Variants in DCP2 observed in about 807,000 individuals in gnomAD.
The protein encoded by DCP2 is decapping mRNA 2.
A neutral mutation model predicts 56.1 loss-of-function variants in DCP2; 30 were observed. That is an observed-to-expected ratio of 0.53 (90% CI 0.40 to 0.73). DCP2 has a LOEUF of 0.73. Ranked by LOEUF, DCP2 falls within the 30% of genes least tolerant of loss-of-function variation. The pLI is 0.00. For synonymous variants in DCP2, 197 were observed against 163.3 expected, an observed-to-expected ratio of 1.21 and a Z score of -1.57; for missense variants, 533 against 502.7, an observed-to-expected ratio of 1.06 and a Z score of -0.58.
At chr5:112,979,906 G>T (rs1350250259) in intron 1 of DCP2, among the ~76,000 whole-genome samples, 1 of 152,162 alleles carries the variant, frequency 6.6e-6, no homozygotes, top group Admixed American at 6.5e-5. Context: ...GTGTGTGTGG[G>T]TGGGGAAGGG....
At chr5:112,977,059 G>A (rs553688951) in intron 1 of DCP2, 73 bp downstream of exon 1, 3 of 1,237,506 alleles carry the variant, frequency 2.4e-6, no homozygotes, top group Middle Eastern at 2.0e-4. Flanking sequence ...AGGCCTCTGG[G>A]TCTTCTTCCC....
chr5:113,003,394 T>C (rs1749271346), intron 7 of DCP2, among the ~76,000 whole-genome samples: 1 of 152,154 alleles, frequency 6.6e-6, no homozygotes, highest in African/African-American at 2.4e-5. Flanking sequence ...AGCTAGGATG[T>C]GGTCTGTAAC....
chr5:112,997,707 C>T (rs532295877), intron 4 of DCP2, among the ~76,000 whole-genome samples: 53 of 151,938 alleles, frequency 3.5e-4, no homozygotes, highest in Middle Eastern at 3.4e-3. Context: ...CTCCGCCTCC[C>T]GGGTTCAAGT....
intron 4 of DCP2, among the ~76,000 whole-genome samples, chr5:112,998,684 A>C (rs1183325928): frequency 6.6e-6 from 1 of 152,242 alleles, no homozygotes; most frequent in Non-Finnish European, 1.5e-5. Context: ...AGAATAGATT[A>C]ATTCAAAGAA....
intron 4 of DCP2, among the ~76,000 whole-genome samples, chr5:112,996,920 T>A (rs1048590478): frequency 6.6e-6 from 1 of 152,234 alleles, no homozygotes. Flanking sequence ...TAAAATAAAA[T>A]GAGCATTCCA....
At position 113,020,155 on chromosome 5, in the gene DCP2, G is replaced by T. The variant is rs910438511; in HGVS notation, c.*6671G>T. 7 of 152,172 alleles carry T rather than the reference G, an allele frequency of 4.6e-5. No homozygotes were observed. Among genetic ancestry groups the T allele is most frequent in the African/African-American group, 1.4e-4 (6 of 41,432 alleles). 9.4% of individuals were successfully genotyped at this position (152,172 alleles called of 1,614,324 possible). A position where few individuals can be genotyped will look rare whatever the true frequency, so the allele number is the denominator to read the frequency against. On this transcript the variant is annotated 3_prime_UTR_variant, in exon 11 of 11. Coordinates refer to ENST00000389063, the MANE Select transcript of DCP2 (RefSeq NM_152624.6). Reference sequence around the variant, plus strand: ...CAAATTATTTTGAGACCTTTTGCTGGTAGACAAAAACTGAGGAAATGTTTC... The same window carrying T: ...CAAATTATTTTGAGACCTTTTGCTGTTAGACAAAAACTGAGGAAATGTTTC...
At position 113,016,773 on chromosome 5, in the gene DCP2, G is replaced by A. The variant is rs1158469783; in HGVS notation, c.*3289G>A. The A allele has an allele frequency of 6.6e-6, 1 of 151,186 alleles. No homozygotes were observed. The highest frequency in any genetic ancestry group is 1.5e-5 in the Non-Finnish European group (1 of 67,948). The allele number at this position is 151,186 out of a possible 1,614,324, so 9.4% of individuals were successfully genotyped here. On this transcript the variant is annotated 3_prime_UTR_variant, in exon 11 of 11. Coordinates refer to ENST00000389063, the MANE Select transcript of DCP2 (RefSeq NM_152624.6). The stretch of plus-strand genomic sequence containing the variant: ...ATCTCCAACAGTTAAATGGTAAGGA[G>A]AGCAAAGTTAATTATAAAAATTAGA...
chr5:112,997,600 T>C (rs1748923111), intron 4 of DCP2, among the ~76,000 whole-genome samples: 1 of 149,798 alleles, frequency 6.7e-6, no homozygotes, highest in African/African-American at 2.5e-5. Context: ...TTACACTTTT[T>C]CTTTTTCTTT....
At chr5:112,987,625 T>C (rs1378803873) in intron 2 of DCP2, among the ~76,000 whole-genome samples, 14 of 134,500 alleles carry the variant, frequency 1.0e-4, no homozygotes, top group African/African-American at 3.6e-4. Context: ...GGTGCCTTTT[T>C]TTTTTTTTTT....
At chr5:112,989,937 G>C (rs1201163200) in intron 2 of DCP2, among the ~76,000 whole-genome samples, 1 of 151,912 alleles carries the variant, frequency 6.6e-6, no homozygotes, top group Non-Finnish European at 1.5e-5. Flanking sequence ...TGATGATTTG[G>C]ATATCTGAGG....
chr5:112,997,019 T>G (rs1401838041), intron 4 of DCP2, among the ~76,000 whole-genome samples: 1 of 152,196 alleles, frequency 6.6e-6, no homozygotes, highest in Non-Finnish European at 1.5e-5. Flanking sequence ...CGTTTCAAAG[T>G]TAGTTTTCTT....
At chr5:112,988,756 T>A (rs559426612) in intron 2 of DCP2, among the ~76,000 whole-genome samples, 22 of 152,336 alleles carry the variant, frequency 1.4e-4, no homozygotes, top group African/African-American at 5.3e-4. Context: ...TGGAGAAATC[T>A]TAGTAGCCTG....
intron 8 of DCP2, 70 bp downstream of exon 8, chr5:113,004,147 A>G: frequency 6.5e-7 from 1 of 1,536,846 alleles, no homozygotes; most frequent in Non-Finnish European, 8.9e-7. Context: ...TCTCAATTGG[A>G]GAATTACATC....
chr5:112,984,453 A>G (rs1003249034), intron 1 of DCP2: 1 of 151,924 alleles, frequency 6.6e-6, no homozygotes, highest in Non-Finnish European at 1.5e-5. Context: ...TATATTGATC[A>G]TTGACTAGAG....
intron 1 of DCP2, among the ~76,000 whole-genome samples, chr5:112,983,137 A>C (rs185919034): frequency 2.0e-3 from 308 of 152,364 alleles, no homozygotes; most frequent in South Asian, 3.7e-3. Context: ...TACAGATTGA[A>C]GTTCCTTCAG....
At chr5:112,999,547 C>CT (rs1400046277) in intron 4 of DCP2, among the ~76,000 whole-genome samples, 1 of 151,580 alleles carries the variant, frequency 6.6e-6, no homozygotes, top group Non-Finnish European at 1.5e-5. Flanking sequence ...AGGCTGGTCT[C>CT]TAACTCCTGA....
intron 1 of DCP2, among the ~76,000 whole-genome samples, chr5:112,977,971 G>T (rs1747798957): frequency 6.6e-6 from 1 of 151,610 alleles, no homozygotes; most frequent in African/African-American, 2.4e-5. Flanking sequence ...TTTTTTGTTT[G>T]TTTGTTTTTT....
rs1313030690 is a variant in DCP2 at position 113,019,934 on chromosome 5, T to G, written c.*6450T>G. On this transcript the variant is annotated 3_prime_UTR_variant, in exon 11 of 11. Coordinates refer to ENST00000389063, the MANE Select transcript of DCP2 (RefSeq NM_152624.6). ...CCTTTTGTCTAACCGAAATAGGGCA[T>G]ACAGATTAGTTTGGATGGGAAAGTG... 1.3e-5 allele frequency: 2 copies of G among 152,270 alleles called. No individual in the cohort carries two copies. Among genetic ancestry groups the G allele is most frequent in the African/African-American group, 4.8e-5 (2 of 41,480 alleles). 9.4% of individuals were successfully genotyped at this position (152,270 alleles called of 1,614,324 possible).
chr5:112,989,351 A>C (rs1247700389), intron 2 of DCP2, among the ~76,000 whole-genome samples: 1 of 152,272 alleles, frequency 6.6e-6, no homozygotes, highest in East Asian at 1.9e-4. Flanking sequence ...TAAGAAACAC[A>C]TATATTTGTA....
Sources: allele counts gnomAD v4.1 joint callset (sites outside exome capture counted in the v4.1 genomes callset), GRCh38; gene constraint gnomAD v4.1.1; transcripts MANE v1.5; gene names NCBI Gene and HGNC (gene_info 2026-07-23, HGNC 2026-07-21).